The following SYT16 variants were observed in gnomAD, a reference collection of about 807,000 sequenced individuals.
SYT16 encodes synaptotagmin-16.
SYT16 carries 42 observed loss-of-function variants against 61.4 expected under a neutral mutation model. That is an observed-to-expected ratio of 0.68 (90% CI 0.53 to 0.89). The LOEUF is 0.89. SYT16 is among the 40% of genes least tolerant of loss of function. The pLI is 0.00. For missense variants in SYT16, 804 were observed against 807.3 expected (o/e 1.00, Z 0.05); for synonymous variants, 314 against 302.3 (o/e 1.04, Z -0.40).
At chr14:61,888,128 T>C (rs1235284185) in intron 1 of SYT16, among the ~76,000 whole-genome samples, 1 of 91,300 alleles carries the variant, frequency 1.1e-5, no homozygotes, top group Non-Finnish European at 2.8e-5. Flanking sequence ...TTCTTTTCTT[T>C]TTTTTTTTTT....
chr14:61,905,703 T>C (rs1248748976), intron 1 of SYT16, among the ~76,000 whole-genome samples: 1 of 151,752 alleles, frequency 6.6e-6, no homozygotes, highest in African/African-American at 2.4e-5. Flanking sequence ...CTTAAAAAAT[T>C]ATGTGACACA....
chr14:61,887,129 T>C lies in SYT16; in HGVS notation c.-325+74319T>C, dbSNP rs76235870. Among the ~76,000 whole-genome samples, 1,120 of 152,348 alleles carry C rather than the reference T, an allele frequency of 7.4e-3. 11 individuals are homozygous for C. Among genetic ancestry groups the C allele is most frequent in the African/African-American group, 0.025 (1,060 of 41,576 alleles). On this transcript the variant is annotated intron_variant, in intron 1 of 7. Coordinates refer to ENST00000683842, the MANE Select transcript of SYT16 (RefSeq NM_001367656.1). ...AGAGTGGATGTTGTGTTAGCAAGCA[T>C]GTAAATAACGTTGATCTCCTTACAC...
At chr14:61,959,169 G>A (rs971111673) in intron 1 of SYT16, among the ~76,000 whole-genome samples, 1 of 151,874 alleles carries the variant, frequency 6.6e-6, no homozygotes, top group African/African-American at 2.4e-5. Flanking sequence ...TTTTATATGT[G>A]GCATATAGTT....
At chr14:61,812,637 G>T (rs1018181200), upstream of SYT16, 2 of 146,008 alleles carry the variant, frequency 1.4e-5, no homozygotes, top group African/African-American at 4.9e-5. Flanking sequence ...TGGGCGCGGG[G>T]CGGCGCGGGG....
intron 1 of SYT16, among the ~76,000 whole-genome samples, chr14:61,813,540 T>C (rs2045333527): frequency 6.6e-6 from 1 of 152,218 alleles, no homozygotes; most frequent in South Asian, 2.1e-4. Context: ...TAAAACCAAG[T>C]CACACCTGCG....
chr14:61,920,075 T>C lies in SYT16; in HGVS notation c.-324-50057T>C, dbSNP rs567455224. ...CTCCAGGCCCCCCGACATACACACA[T>C]TGCTGTTTCACACGCCTGTGCCTTT... On this transcript the variant is annotated intron_variant, in intron 1 of 7. Coordinates refer to ENST00000683842, the MANE Select transcript of SYT16 (RefSeq NM_001367656.1). Among the ~76,000 whole-genome samples the C allele has an allele frequency of 4.6e-5, 7 of 152,292 alleles. No homozygotes were observed. In the South Asian group the frequency reaches 1.5e-3, roughly 32 times the overall value.
chr14:61,859,002 C>T (rs531164303), intron 1 of SYT16, among the ~76,000 whole-genome samples: 59 of 149,490 alleles, frequency 3.9e-4, no homozygotes, highest in Non-Finnish European at 6.2e-4. Context: ...CTACAGGCGC[C>T]CACCACTACG....
chr14:62,004,219 A>G (rs1039597361), intron 3 of SYT16, among the ~76,000 whole-genome samples: 1 of 152,214 alleles, frequency 6.6e-6, no homozygotes, highest in African/African-American at 2.4e-5. Flanking sequence ...AGCAAGGCAC[A>G]TCTTACATGG....
chr14:62,010,540 T>TA (rs910777545), intron 3 of SYT16, among the ~76,000 whole-genome samples: 27 of 152,242 alleles, frequency 1.8e-4, no homozygotes, highest in African/African-American at 6.5e-4. Context: ...TGCCCGTGCT[T>TA]ATTAGCATCT....
intron 3 of SYT16, among the ~76,000 whole-genome samples, chr14:62,062,859 C>T (rs1055041913): frequency 9.0e-4 from 137 of 152,208 alleles, no homozygotes; most frequent in African/African-American, 2.6e-3. Context: ...CCCGTCTGTA[C>T]GATGTGAGCA....
At chr14:61,839,430 A>G (rs2046234063) in intron 1 of SYT16, among the ~76,000 whole-genome samples, 1 of 152,228 alleles carries the variant, frequency 6.6e-6, no homozygotes, top group South Asian at 2.1e-4. Flanking sequence ...GTATTTTGTT[A>G]TAGCAGCACA....
chr14:62,029,254 G>T (rs1275232247), intron 3 of SYT16, among the ~76,000 whole-genome samples: 2 of 152,180 alleles, frequency 1.3e-5, no homozygotes, highest in Non-Finnish European at 2.9e-5. Flanking sequence ...TCAGCCTCCT[G>T]AGTAGCTGGG....
intron 3 of SYT16, among the ~76,000 whole-genome samples, chr14:62,068,589 A>T (rs1359199748): frequency 6.6e-6 from 1 of 152,180 alleles, no homozygotes; most frequent in Non-Finnish European, 1.5e-5. Context: ...CAAAAAAGTA[A>T]CTATGTGAGG....
At chr14:61,900,622 C>T (rs1453382122) in intron 1 of SYT16, among the ~76,000 whole-genome samples, 1 of 151,842 alleles carries the variant, frequency 6.6e-6, no homozygotes, top group African/African-American at 2.4e-5. Context: ...GGAGGGCCTG[C>T]AGGAGAGAGA....
chr14:61,968,115 G>A (rs1266676820), intron 1 of SYT16, among the ~76,000 whole-genome samples: 2 of 152,118 alleles, frequency 1.3e-5, no homozygotes, highest in East Asian at 3.9e-4. Flanking sequence ...ACCAAAATTA[G>A]CTGGGTATGG....
intron 1 of SYT16, among the ~76,000 whole-genome samples, chr14:61,869,951 T>C (rs1044075790): frequency 1.3e-5 from 2 of 152,214 alleles, no homozygotes; most frequent in Non-Finnish European, 1.5e-5. Flanking sequence ...TAATTTGTTA[T>C]AGAAGCCCAA....
chr14:61,856,697 G>A (rs1036068894), intron 1 of SYT16, among the ~76,000 whole-genome samples: 10 of 152,154 alleles, frequency 6.6e-5, no homozygotes, highest in Non-Finnish European at 1.5e-4. Flanking sequence ...AAGCAGTTAG[G>A]TGTTTGAGTC....
At chr14:61,940,753 T>G (rs1047204418) in intron 1 of SYT16, among the ~76,000 whole-genome samples, 2 of 152,140 alleles carry the variant, frequency 1.3e-5, no homozygotes, top group Admixed American at 6.5e-5. Flanking sequence ...TCCATTTCCC[T>G]CCCTCTCAGG....
At chr14:61,940,147 C>T (rs2050151280) in intron 1 of SYT16, among the ~76,000 whole-genome samples, 1 of 152,154 alleles carries the variant, frequency 6.6e-6, no homozygotes, top group African/African-American at 2.4e-5. Context: ...TAAGTTGCAA[C>T]TACATAGTTT....
Sources: allele counts gnomAD v4.1 joint callset (sites outside exome capture counted in the v4.1 genomes callset), GRCh38; gene constraint gnomAD v4.1.1; transcripts MANE v1.5; gene names NCBI Gene and HGNC (gene_info 2026-07-23, HGNC 2026-07-21).